The following PRDM2 variants were observed in gnomAD, a reference collection of about 807,000 sequenced individuals.
The protein encoded by PRDM2 is PR/SET domain 2.
In PRDM2, 30 loss-of-function variants were observed where a neutral mutation model predicts 130.0. The ratio of observed to expected loss-of-function variants is 0.23; its 90% CI spans 0.17 to 0.31. The LOEUF (loss-of-function observed/expected upper bound fraction) is 0.31, where lower values mean the gene tolerates loss of function less well. Among genes scored for constraint, PRDM2 ranks in the 10% least tolerant of loss-of-function variants. The pLI is 1.00. For missense variants in PRDM2, 2,011 were observed against 2,108.4 expected, an observed-to-expected ratio of 0.95 and a Z score of 0.90; for synonymous variants, 871 against 782.4, an observed-to-expected ratio of 1.11 and a Z score of -1.89.
chr1:13,747,128 G>A (rs1434454655), intron 5 of PRDM2, among the ~76,000 whole-genome samples: 6 of 152,176 alleles, frequency 3.9e-5, no homozygotes, highest in African/African-American at 1.4e-4. Flanking sequence ...TATTCTTAGA[G>A]GTATCTTGAA....
intron 8 of PRDM2, among the ~76,000 whole-genome samples, chr1:13,804,115 A>C (rs578122929): frequency 6.6e-6 from 1 of 152,088 alleles, no homozygotes; most frequent in South Asian, 2.1e-4. Context: ...CTCTGCCATA[A>C]AAAGGGTATA....
chr1:13,820,598 A>G (rs983997294), intron 9 of PRDM2, among the ~76,000 whole-genome samples: 2 of 152,198 alleles, frequency 1.3e-5, no homozygotes, highest in Admixed American at 6.5e-5. Context: ...TCCTTTGGCT[A>G]AGACCAGCGG....
intron 8 of PRDM2, among the ~76,000 whole-genome samples, chr1:13,811,800 C>T (rs1557676335): frequency 2.0e-5 from 3 of 152,206 alleles, no homozygotes; most frequent in Admixed American, 6.5e-5. Context: ...GCTATGGGAA[C>T]AGGGCTGGGG....
intron 8 of PRDM2, among the ~76,000 whole-genome samples, chr1:13,799,847 T>C (rs1395963555): frequency 6.6e-6 from 1 of 152,236 alleles, no homozygotes; most frequent in Non-Finnish European, 1.5e-5. Context: ...AGGCACATAG[T>C]AATTCGCTTA....
chr1:13,764,294 A>G (rs1378525175), intron 6 of PRDM2, among the ~76,000 whole-genome samples: 1 of 152,152 alleles, frequency 6.6e-6, no homozygotes, highest in Non-Finnish European at 1.5e-5. Flanking sequence ...TTGCCTCGTC[A>G]CTATTTATAT....
Position 13,730,990 on chromosome 1 carries a change from T to C in PRDM2, c.10-10T>C, listed in dbSNP as rs747952061. On this transcript the variant is annotated splice_polypyrimidine_tract_variant and intron_variant, in intron 2 of 9. Transcript: ENST00000311066. Reference sequence around the variant, plus strand: ...CTTTTGCTGTGATCCTTCCATTTCTTGACTTGCAGAACACTACTGAGCCTG... The same window carrying C: ...CTTTTGCTGTGATCCTTCCATTTCTCGACTTGCAGAACACTACTGAGCCTG... 3.2e-6 allele frequency: 5 copies of C among 1,562,398 alleles called. No homozygotes were observed. Among genetic ancestry groups the C allele is most frequent in the Non-Finnish European group, 4.3e-6 (5 of 1,156,456 alleles).
At chr1:13,744,338 A>T (rs1643538754) in intron 5 of PRDM2, among the ~76,000 whole-genome samples, 1 of 152,216 alleles carries the variant, frequency 6.6e-6, no homozygotes, top group South Asian at 2.1e-4. Flanking sequence ...CAATTCCCAC[A>T]TTGTAAGATA....
In PRDM2 at chr1:13,761,186, C is replaced by T. The variant is rs553066074; in HGVS notation, c.511+11699C>T. Among the ~76,000 whole-genome samples the T allele has an allele frequency of 7.7e-4, 117 of 152,304 alleles. No homozygotes were observed. In the Middle Eastern group the frequency reaches 0.01, roughly 13 times the overall value. ...AAGCAAACACGTCTCACTGTTTGCT[C>T]GTCTTACCTTTATGTGGTCCAAAGC... On this transcript the variant is annotated intron_variant, in intron 6 of 9. Coordinates refer to ENST00000311066, the MANE Select transcript of PRDM2 (RefSeq NM_001393986.1).
chr1:13,790,788 C>T (rs532004291), intron 8 of PRDM2, among the ~76,000 whole-genome samples: 2 of 152,268 alleles, frequency 1.3e-5, no homozygotes, highest in Admixed American at 6.5e-5. Context: ...CCCCTAGGCC[C>T]GATCCTTGCT....
intron 2 of PRDM2, among the ~76,000 whole-genome samples, chr1:13,728,793 C>T (rs1305775951): frequency 1.3e-5 from 2 of 151,988 alleles, no homozygotes; most frequent in Non-Finnish European, 2.9e-5. Context: ...TTTCCCATGG[C>T]TTCTCTGCTG....
At chr1:13,751,426 A>C (rs1220120788) in intron 6 of PRDM2, among the ~76,000 whole-genome samples, 2 of 152,114 alleles carry the variant, frequency 1.3e-5, no homozygotes, top group African/African-American at 4.8e-5. Flanking sequence ...TTAAGACTTA[A>C]ACTTTGGAGA....
chr1:13,727,342 C>T (rs1642954573), intron 2 of PRDM2, among the ~76,000 whole-genome samples: 1 of 152,150 alleles, frequency 6.6e-6, no homozygotes, highest in Non-Finnish European at 1.5e-5. Context: ...GCAACCTCCA[C>T]CTTCCGGGCT....
rs1258696914 is a variant in PRDM2, at chr1:13,806,406, C to A, written c.5037-10021C>A. 6.6e-6 allele frequency among the ~76,000 whole-genome samples: 1 copy of A among 152,030 alleles called. No individual in the cohort carries two copies. The highest frequency in any genetic ancestry group is 1.5e-5 in the Non-Finnish European group (1 of 67,992). The stretch of plus-strand genomic sequence containing the variant: ...ACCCTCATCAGAATCTCCATTCAGC[C>A]GCCCACCTGACATCTCCCTTGGGTG... On this transcript the variant is annotated intron_variant, in intron 8 of 9. Coordinates refer to ENST00000311066, the MANE Select transcript of PRDM2 (RefSeq NM_001393986.1). This position sits in a 1 kb window ranked among gnomAD's most constrained non-coding sequence, Gnocchi z 4.1.
At chr1:13,716,194 G>A (rs1444315161) in intron 2 of PRDM2, among the ~76,000 whole-genome samples, 2 of 150,972 alleles carry the variant, frequency 1.3e-5, no homozygotes, top group South Asian at 2.1e-4. Flanking sequence ...GTAAACTATC[G>A]CAAGAACAAA....
intron 1 of PRDM2, among the ~76,000 whole-genome samples, chr1:13,703,473 G>T (rs1642124507): frequency 6.6e-6 from 1 of 152,212 alleles, no homozygotes; most frequent in Non-Finnish European, 1.5e-5. Flanking sequence ...AGACTAGATG[G>T]TTTACACCTT....
chr1:13,776,086 C>T (rs547874551), intron 7 of PRDM2, among the ~76,000 whole-genome samples: 2 of 152,266 alleles, frequency 1.3e-5, no homozygotes, highest in East Asian at 3.9e-4. Flanking sequence ...CCTGATTAAT[C>T]AAACCCATAT....
At chr1:13,757,096 C>T (rs551025180) in intron 6 of PRDM2, among the ~76,000 whole-genome samples, 1 of 152,318 alleles carries the variant, frequency 6.6e-6, no homozygotes, top group South Asian at 2.1e-4. Context: ...CACTTTAATT[C>T]TAAATACCAA....
At chr1:13,741,853 C>T (rs923663822) in intron 4 of PRDM2, 152 bp from the exon 5 acceptor site, 3 of 582,812 alleles carry the variant, frequency 5.1e-6, no homozygotes, top group South Asian at 2.8e-5. Flanking sequence ...TTGTATTTTT[C>T]TTTTCTCTGT....
At chr1:13,728,285 C>T (rs117620738) in intron 2 of PRDM2, among the ~76,000 whole-genome samples, 2,743 of 152,274 alleles carry the variant, frequency 0.018, 63 homozygotes, top group South Asian at 0.12. Flanking sequence ...ACTGCAGTCT[C>T]ACAGAGGAGG....
Sources: gnomAD v4.1 joint callset for allele counts (sites outside exome capture counted in the v4.1 genomes callset) on GRCh38, gnomAD v4.1.1 for gene constraint, Gnocchi (gnomAD v3.1) non-coding constraint, MANE v1.5 for transcripts, NCBI Gene and HGNC (gene_info 2026-07-23, HGNC 2026-07-21) for gene names.